GBF1: variants seen among roughly 807,000 people sequenced by gnomAD.
GBF1 encodes the protein golgi brefeldin A resistant guanine nucleotide exchange factor 1.
In GBF1, 114 loss-of-function variants were observed where a neutral mutation model predicts 210.5. That is an observed-to-expected ratio of 0.54 (90% CI 0.47 to 0.63). GBF1 has a LOEUF of 0.63. Among genes scored for constraint, GBF1 ranks in the 30% least tolerant of loss-of-function variants. The pLI is 0.00. For synonymous variants in GBF1, 850 were observed against 889.2 expected (o/e 0.96, Z 0.78); for missense variants, 1,851 against 2,357.7 (o/e 0.79, Z 4.45).
At chr10:102,327,895 G>A (rs2057025412) in intron 3 of GBF1, among the ~76,000 whole-genome samples, 1 of 152,218 alleles carries the variant, frequency 6.6e-6, no homozygotes, top group South Asian at 2.1e-4. Context: ...CCCATGTTTT[G>A]TGAAATTGTT....
chr10:102,257,442 A>G (rs1267305565), intron 1 of GBF1, among the ~76,000 whole-genome samples: 1 of 152,084 alleles, frequency 6.6e-6, no homozygotes, highest in Non-Finnish European at 1.5e-5. Context: ...CCCAGTAACT[A>G]GAACTACAGG....
intron 3 of GBF1, among the ~76,000 whole-genome samples, chr10:102,285,581 C>G (rs1393348144): frequency 1.3e-5 from 2 of 152,112 alleles, no homozygotes; most frequent in African/African-American, 4.8e-5. Flanking sequence ...TCTTCTTACC[C>G]CTCTCTTTTT....
At chr10:102,270,136 C>G (rs1190044824) in intron 3 of GBF1, among the ~76,000 whole-genome samples, 1 of 152,014 alleles carries the variant, frequency 6.6e-6, no homozygotes, top group Non-Finnish European at 1.5e-5. Flanking sequence ...TCTTGGCCTC[C>G]CAAAGTGCTG....
At chr10:102,295,612 A>T (rs1326937134) in intron 3 of GBF1, among the ~76,000 whole-genome samples, 1 of 152,196 alleles carries the variant, frequency 6.6e-6, no homozygotes, top group Non-Finnish European at 1.5e-5. Flanking sequence ...AAACAAGATA[A>T]GCCCTAAGTT....
intron 3 of GBF1, among the ~76,000 whole-genome samples, chr10:102,297,303 G>A (rs1432118666): frequency 6.6e-6 from 1 of 152,218 alleles, no homozygotes; most frequent in Non-Finnish European, 1.5e-5. Context: ...GTGTTGCTAA[G>A]TAGCTGTGAC....
At chr10:102,306,992 G>A (rs1264527315) in intron 3 of GBF1, among the ~76,000 whole-genome samples, 1 of 152,208 alleles carries the variant, frequency 6.6e-6, no homozygotes, top group Non-Finnish European at 1.5e-5. Context: ...AGCCAGCCAA[G>A]AATCTCCTTG....
intron 4 of GBF1, among the ~76,000 whole-genome samples, chr10:102,344,560 A>C (rs2058405098): frequency 1.3e-5 from 2 of 150,922 alleles, no homozygotes; most frequent in Admixed American, 1.3e-4. Flanking sequence ...GGCTCACTGC[A>C]AGCTCCACCT....
chr10:102,381,378 G>A (rs1031940612), intron 39 of GBF1, 123 bp downstream of exon 39: 8 of 925,644 alleles, frequency 8.6e-6, no homozygotes, highest in African/African-American at 3.3e-5. Flanking sequence ...AAGGCCACTA[G>A]AGAGAACTGT....
chr10:102,371,292 T>C (rs1200126625), intron 29 of GBF1, among the ~76,000 whole-genome samples: 1 of 152,170 alleles, frequency 6.6e-6, no homozygotes, highest in Non-Finnish European at 1.5e-5. Context: ...ATGAACAATA[T>C]GGAAACTGAA....
intron 22 of GBF1, 130 bp downstream of exon 22, chr10:102,368,584 C>G (rs2060035483): frequency 2.5e-6 from 2 of 815,074 alleles, no homozygotes; most frequent in Non-Finnish European, 4.0e-6. Context: ...TGGAGGGAGG[C>G]TGAAGCTTGG....
intron 3 of GBF1, among the ~76,000 whole-genome samples, chr10:102,278,010 G>A (rs1223002371): frequency 2.0e-5 from 3 of 151,922 alleles, no homozygotes; most frequent in African/African-American, 4.8e-5. Context: ...TAATTCTAGC[G>A]TTTTGGGAGG....
intron 3 of GBF1, among the ~76,000 whole-genome samples, chr10:102,286,706 A>G (rs573561513): frequency 6.6e-6 from 1 of 152,314 alleles, no homozygotes; most frequent in South Asian, 2.1e-4. Flanking sequence ...ATTCATACAA[A>G]TATCGGAATT....
intron 3 of GBF1, among the ~76,000 whole-genome samples, chr10:102,261,611 C>G (rs1203616008): frequency 7.7e-6 from 1 of 130,646 alleles, no homozygotes; most frequent in African/African-American, 3.0e-5. Flanking sequence ...TTCTTTCTTT[C>G]TTTCTTTTTT....
chr10:102,235,200 C>A, the GBF1 span, among the ~76,000 whole-genome samples: 3 of 141,812 alleles, frequency 2.1e-5, no homozygotes, highest in African/African-American at 7.7e-5. Context: ...GCCTCCCTGG[C>A]CCCTCTGAAC....
In GBF1 at chr10:102,258,981, A is replaced by G; in HGVS notation, c.43A>G (p.Ile15Val). The G allele has an allele frequency of 6.2e-7, 1 of 1,609,242 alleles. No homozygotes were observed. Among genetic ancestry groups the G allele is most frequent in the Non-Finnish European group, 8.5e-7 (1 of 1,175,584 alleles). ...TTACATCATTCAAGGGGAGATTAAC[A>G]TTGTGGTTGGGGCCATCAAACGAAA... ...NIYIIQGEINIVVGAIKRNAR... is the reference protein window; with the variant it reads ...NIYIIQGEINVVVGAIKRNAR... The change falls in exon 2 of 40, where the codon ATT (isoleucine) becomes GTT (valine). Residue 15 changes from isoleucine to valine, a missense_variant. Around this residue, in one of 3 missense-constraint regions of GBF1, gnomAD observed 804 missense variants for 958.6 expected, o/e 0.84. Transcript: ENST00000369983.
chr10:102,360,584 G>C (rs931836454), intron 12 of GBF1, among the ~76,000 whole-genome samples, 189 bp downstream of exon 12: 2 of 152,192 alleles, frequency 1.3e-5, no homozygotes, highest in Non-Finnish European at 2.9e-5. Flanking sequence ...ATATAGGAAT[G>C]GCTAGATGTA....
intron 3 of GBF1, among the ~76,000 whole-genome samples, chr10:102,275,009 GA>G (rs2074815274): frequency 7.1e-6 from 1 of 140,052 alleles, no homozygotes; most frequent in African/African-American, 2.6e-5. Flanking sequence ...ACCGCGCCAG[GA>G]CTTTTTTTTT....
rs879157791 is a variant in GBF1, at chr10:102,377,115, C to T, written c.4469C>T (p.Thr1490Met). 9.3e-6 allele frequency: 15 copies of T among 1,613,920 alleles called. No homozygotes were observed. The highest frequency in any genetic ancestry group is 3.3e-5 in the Admixed American group (2 of 60,016). The part of the protein sequence containing the change: ...EDEGVPASYH[T>M]VSLQVSQDLL... ...GAAGGCGTGCCTGCCAGCTACCATA[C>T]GGTGTCTTTACAGGTCAGTCAGGAC... The change falls in exon 33 of 40, where the codon ACG becomes ATG. Residue 1490 changes from threonine (T) to methionine (M), a missense_variant. This residue lies in a region of GBF1 where 967 missense variants were observed against 1,247.7 expected (regional missense o/e 0.78). Transcript: ENST00000369983.
chr10:102,317,249 A>G (rs2055892093), intron 3 of GBF1, among the ~76,000 whole-genome samples: 1 of 152,188 alleles, frequency 6.6e-6, no homozygotes, highest in African/African-American at 2.4e-5. Flanking sequence ...TGGGCAACAT[A>G]GTGAGACCCT....
Sources: gnomAD v4.1 joint callset for allele counts (sites outside exome capture counted in the v4.1 genomes callset) on GRCh38, gnomAD v4.1.1 for gene constraint, gnomAD v4.1.1 regional missense constraint, MANE v1.5 for transcripts, NCBI Gene and HGNC (gene_info 2026-07-23, HGNC 2026-07-21) for gene names.